Variants in ZDHHC14 observed in about 807,000 individuals in gnomAD.
ZDHHC14 encodes the protein zDHHC palmitoyltransferase 14, also known as palmitoyltransferase ZDHHC14.
Under a neutral mutation model 47.7 loss-of-function variants are expected in ZDHHC14, and 16 were observed. That is an observed-to-expected ratio of 0.34 (90% CI 0.23 to 0.51). The LOEUF (loss-of-function observed/expected upper bound fraction) is 0.51. Among genes scored for constraint, ZDHHC14 ranks in the 20% least tolerant of loss-of-function variants. ZDHHC14 has a pLI of 0.97. For synonymous variants in ZDHHC14, 293 were observed against 278.9 expected (o/e 1.05, Z -0.50); for missense variants, 515 against 662.5 (o/e 0.78, Z 2.44).
At chr6:157,527,903 C>T (rs1781216783) in intron 1 of ZDHHC14, among the ~76,000 whole-genome samples, 1 of 152,150 alleles carries the variant, frequency 6.6e-6, no homozygotes, top group Non-Finnish European at 1.5e-5. Context: ...CTTTCTGATC[C>T]TTCTCTCTCT....
intron 2 of ZDHHC14, among the ~76,000 whole-genome samples, chr6:157,573,925 T>C (rs1052510098): frequency 2.0e-4 from 30 of 151,520 alleles, no homozygotes; most frequent in African/African-American, 6.3e-4. Flanking sequence ...TGCTCAAGCA[T>C]GCTGGGGAAC....
chr6:157,666,749 G>A (rs1264439828), intron 8 of ZDHHC14, among the ~76,000 whole-genome samples: 1 of 152,178 alleles, frequency 6.6e-6, no homozygotes, highest in Non-Finnish European at 1.5e-5. Context: ...GTCAGCTAGG[G>A]TAAAATAAAA....
At position 157,638,872 on chromosome 6, in the gene ZDHHC14, G is replaced by A. The variant is rs192896922; in HGVS notation, c.752+5990G>A. Among the ~76,000 whole-genome samples, 1,212 of 152,332 alleles carry A rather than the reference G, an allele frequency of 8.0e-3. 24 individuals are homozygous for A. Among genetic ancestry groups the A allele is most frequent in the African/African-American group, 0.028 (1,153 of 41,572 alleles). ...CCTCCGTGCAGGGCTGTGGGAGATGGGTGGGTTCTAGTGGGGGACATGGAG... is the reference window on the plus strand; with the variant it reads ...CCTCCGTGCAGGGCTGTGGGAGATGAGTGGGTTCTAGTGGGGGACATGGAG... On this transcript the variant is annotated intron_variant, in intron 5 of 8. Transcript: ENST00000359775.
intron 1 of ZDHHC14, among the ~76,000 whole-genome samples, chr6:157,410,263 AG>A (rs1349784148): frequency 1.1e-4 from 17 of 152,154 alleles, no homozygotes; most frequent in Admixed American, 9.2e-4. Context: ...GCCAAGCTGC[AG>A]TCAAAACATG....
rs189120031 is a variant in ZDHHC14 at position 157,502,189 on chromosome 6, G to A, written c.246-40396G>A. Among the ~76,000 whole-genome samples the A allele has an allele frequency of 3.3e-5, 5 of 152,320 alleles. No homozygotes were observed. In the East Asian group the frequency reaches 9.6e-4, roughly 29 times the overall value. On this transcript the variant is annotated intron_variant, in intron 1 of 8. Coordinates refer to ENST00000359775, the MANE Select transcript of ZDHHC14 (RefSeq NM_024630.3). The surrounding 1 kb of genome is among the most constrained non-coding windows in gnomAD (Gnocchi z 4.0). ...CAGTGGTCACATCTGGTGGAAAGGAGGCTGCAAAGTACAGGACAGCATAAC... is the reference window on the plus strand; with the variant it reads ...CAGTGGTCACATCTGGTGGAAAGGAAGCTGCAAAGTACAGGACAGCATAAC...
chr6:157,501,499 G>C (rs537976031), intron 1 of ZDHHC14, among the ~76,000 whole-genome samples: 11 of 152,316 alleles, frequency 7.2e-5, no homozygotes, highest in African/African-American at 2.6e-4. Context: ...CCTGTGATTA[G>C]ATATTTTCAT....
At chr6:157,560,222 C>A (rs934703609) in intron 2 of ZDHHC14, among the ~76,000 whole-genome samples, 1 of 152,180 alleles carries the variant, frequency 6.6e-6, no homozygotes, top group Non-Finnish European at 1.5e-5. Context: ...TGGAGAAGAG[C>A]GTGTCAGCCA....
intron 1 of ZDHHC14, among the ~76,000 whole-genome samples, chr6:157,394,620 A>C (rs1777485983): frequency 6.6e-6 from 1 of 152,036 alleles, no homozygotes; most frequent in Non-Finnish European, 1.5e-5. Context: ...CCATGACCCC[A>C]CCCCACACTC....
At chr6:157,583,428 G>A (rs1783582827) in intron 2 of ZDHHC14, among the ~76,000 whole-genome samples, 1 of 152,044 alleles carries the variant, frequency 6.6e-6, no homozygotes, top group African/African-American at 2.4e-5. Flanking sequence ...CTTTTTGCAA[G>A]GTCTTTATTT....
chr6:157,545,940 G>A (rs1007733059), intron 2 of ZDHHC14, among the ~76,000 whole-genome samples: 3 of 152,236 alleles, frequency 2.0e-5, no homozygotes, highest in Non-Finnish European at 2.9e-5. Flanking sequence ...TAGGAAAAGT[G>A]CCTGGCACAT....
intron 3 of ZDHHC14, among the ~76,000 whole-genome samples, chr6:157,595,885 A>G (rs1455694616): frequency 1.3e-5 from 2 of 152,178 alleles, no homozygotes; most frequent in African/African-American, 2.4e-5. Context: ...TGGTCTATGT[A>G]TGGGAGACCC....
At chr6:157,400,565 C>T (rs1777614508) in intron 1 of ZDHHC14, among the ~76,000 whole-genome samples, 1 of 152,150 alleles carries the variant, frequency 6.6e-6, no homozygotes, top group Admixed American at 6.5e-5. Context: ...TAGAATATTT[C>T]ACTTAAATAA....
In ZDHHC14 at chr6:157,648,857, G is replaced by A. The variant is rs148925907; in HGVS notation, c.965+1489G>A. On this transcript the variant is annotated intron_variant, in intron 7 of 8. Coordinates refer to ENST00000359775, the MANE Select transcript of ZDHHC14 (RefSeq NM_024630.3). ...GTTTGTGACTAGCAGGGCAGGTCAGGAAACAGTAAGAGCCAGGGAGAGCTG... is the reference window on the plus strand; with the variant it reads ...GTTTGTGACTAGCAGGGCAGGTCAGAAAACAGTAAGAGCCAGGGAGAGCTG... 4.2e-3 allele frequency among the ~76,000 whole-genome samples: 642 copies of A among 152,342 alleles called. 5 individuals carry two copies. The highest frequency in any genetic ancestry group is 6.5e-3 in the Non-Finnish European group (440 of 68,030).
intron 2 of ZDHHC14, among the ~76,000 whole-genome samples, chr6:157,565,979 G>A (rs1782887691): frequency 1.3e-5 from 2 of 152,120 alleles, no homozygotes; most frequent in Non-Finnish European, 2.9e-5. Flanking sequence ...TGATTCCCAG[G>A]AAAACGCTCT....
chr6:157,642,329 A>C (rs1352647138), intron 5 of ZDHHC14, among the ~76,000 whole-genome samples: 2 of 152,152 alleles, frequency 1.3e-5, no homozygotes, highest in Non-Finnish European at 2.9e-5. Context: ...CTATTCCCTT[A>C]GGGCAGGAAG....
intron 1 of ZDHHC14, among the ~76,000 whole-genome samples, chr6:157,384,328 C>G (rs1777270992): frequency 6.6e-6 from 1 of 152,174 alleles, no homozygotes; most frequent in Admixed American, 6.5e-5. Flanking sequence ...TAGCTTCTAA[C>G]CAAACCATCA....
intron 1 of ZDHHC14, among the ~76,000 whole-genome samples, chr6:157,515,604 C>T (rs150139145): frequency 0.042 from 6,418 of 152,012 alleles, 433 homozygotes; most frequent in African/African-American, 0.15. Context: ...GCTGGGATTA[C>T]AGGCTCCCGC....
chr6:157,548,849 T>A (rs978546177), intron 2 of ZDHHC14, among the ~76,000 whole-genome samples: 2 of 152,062 alleles, frequency 1.3e-5, no homozygotes, highest in Non-Finnish European at 2.9e-5. Context: ...AAATGAAATA[T>A]TCCTCGTGCT....
intron 1 of ZDHHC14, among the ~76,000 whole-genome samples, chr6:157,384,099 A>G (rs1441542572): frequency 2.0e-5 from 3 of 152,194 alleles, no homozygotes; most frequent in Non-Finnish European, 4.4e-5. Flanking sequence ...TTTAAAAAAA[A>G]TCTTGAACAG....
Sources: gnomAD v4.1 joint callset for allele counts (sites outside exome capture counted in the v4.1 genomes callset) on GRCh38, gnomAD v4.1.1 for gene constraint, Gnocchi (gnomAD v3.1) non-coding constraint, MANE v1.5 for transcripts, NCBI Gene and HGNC (gene_info 2026-07-23, HGNC 2026-07-21) for gene names.